RGS6: variants seen among roughly 807,000 people sequenced by gnomAD.
The protein encoded by RGS6 is regulator of G-protein signaling 6.
In RGS6, 30 loss-of-function variants were observed where a neutral mutation model predicts 78.5. That is an observed-to-expected ratio of 0.38 (90% CI 0.29 to 0.52). RGS6 has a LOEUF of 0.52. Ranked by LOEUF, RGS6 falls within the 20% of genes least tolerant of loss-of-function variation. The probability of loss-of-function intolerance (pLI) is 0.85; values close to 1 mark genes in which losing one functional copy is unlikely to be tolerated. For synonymous variants in RGS6, 206 were observed against 206.0 expected (o/e 1.00, Z 0.00); for missense variants, 495 against 609.7 (o/e 0.81, Z 1.98).
rs189085134 is a variant in RGS6, at chr14:72,074,056, A to G, written c.84+109181A>G. Among the ~76,000 whole-genome samples the G allele has an allele frequency of 2.3e-3, 344 of 152,294 alleles. 3 individuals carry two copies. The highest frequency in any genetic ancestry group is 7.9e-3 in the African/African-American group (330 of 41,566). On this transcript the variant is annotated intron_variant, in intron 2 of 17. Transcript: ENST00000553525. ...AACTTAGCAGATATCTGTTGGAATC[A>G]TTTAAGGTGTTTGTTTCCAAAAGAC...
At chr14:72,459,540 G>A (rs959311922) in intron 5 of RGS6, 92 bp from the exon 6 acceptor site, 22 of 1,168,366 alleles carry the variant, frequency 1.9e-5, no homozygotes, top group Non-Finnish European at 2.8e-5. Flanking sequence ...AGATGGGGGA[G>A]AGCCTGCCAT....
intron 15 of RGS6, among the ~76,000 whole-genome samples, chr14:72,533,002 A>C (rs543300411): frequency 2.7e-4 from 41 of 152,386 alleles, no homozygotes; most frequent in African/African-American, 9.4e-4. Flanking sequence ...ACAGATTTGC[A>C]GTGTAGATTA....
chr14:72,549,952 C>A (rs2097478229), intron 17 of RGS6, among the ~76,000 whole-genome samples: 1 of 152,188 alleles, frequency 6.6e-6, no homozygotes, highest in Non-Finnish European at 1.5e-5. Context: ...GCCAGGGGGA[C>A]TTGTCCTCAG....
At chr14:72,446,008 C>T (rs1566867498) in intron 3 of RGS6, among the ~76,000 whole-genome samples, 1 of 152,142 alleles carries the variant, frequency 6.6e-6, no homozygotes, top group Non-Finnish European at 1.5e-5. Flanking sequence ...CCTGTAATCC[C>T]AGCACTTTGG....
chr14:71,985,774 T>C (rs2094684315), intron 2 of RGS6, among the ~76,000 whole-genome samples: 1 of 152,208 alleles, frequency 6.6e-6, no homozygotes, highest in Admixed American at 6.5e-5. Context: ...TGTTGATGCC[T>C]GGGGATATTC....
intron 2 of RGS6, among the ~76,000 whole-genome samples, chr14:72,210,409 A>G (rs925006030): frequency 6.6e-6 from 1 of 152,198 alleles, no homozygotes; most frequent in Non-Finnish European, 1.5e-5. Context: ...TCCAAAATTT[A>G]ACACCTGTGT....
intron 15 of RGS6, among the ~76,000 whole-genome samples, chr14:72,531,438 A>G (rs973989338): frequency 4.0e-5 from 6 of 151,794 alleles, no homozygotes; most frequent in Admixed American, 2.6e-4. Context: ...TCTCAAAAAA[A>G]AAAAAAAAAA....
intron 2 of RGS6, among the ~76,000 whole-genome samples, chr14:72,287,909 A>G (rs1213707108): frequency 6.6e-6 from 1 of 152,230 alleles, no homozygotes; most frequent in Non-Finnish European, 1.5e-5. Flanking sequence ...TGATTTGCAT[A>G]TGTCAAACTA....
chr14:72,024,073 A>G (rs1172566583), intron 2 of RGS6, among the ~76,000 whole-genome samples: 2 of 82,924 alleles, frequency 2.4e-5, no homozygotes, highest in African/African-American at 8.3e-5. Context: ...TGTCTAGCAC[A>G]TAACGAGGAC....
the RGS6 span, among the ~76,000 whole-genome samples, chr14:71,885,820 T>A: frequency 1.3e-5 from 2 of 152,314 alleles, no homozygotes; most frequent in East Asian, 3.9e-4. Context: ...TTCACCCATA[T>A]AGTGTCTCTC....
intron 14 of RGS6, among the ~76,000 whole-genome samples, chr14:72,513,090 C>G (rs570690482): frequency 1.3e-5 from 2 of 152,374 alleles, no homozygotes; most frequent in African/African-American, 4.8e-5. Context: ...AGGAAAAAGC[C>G]TGACCAGAAC....
At chr14:72,410,237 CTT>C (rs1163793558) in intron 3 of RGS6, among the ~76,000 whole-genome samples, 1 of 152,170 alleles carries the variant, frequency 6.6e-6, no homozygotes, top group Non-Finnish European at 1.5e-5. Flanking sequence ...TGTTTCCTGA[CTT>C]TTTAATGATT....
intron 2 of RGS6, among the ~76,000 whole-genome samples, chr14:71,994,545 C>T (rs1054699828): frequency 2.6e-5 from 4 of 152,034 alleles, no homozygotes; most frequent in African/African-American, 9.7e-5. Context: ...CCACCCAGTC[C>T]ATATGTTGAC....
chr14:72,539,157 A>T (rs2153505845), intron 16 of RGS6, among the ~76,000 whole-genome samples: 1 of 152,100 alleles, frequency 6.6e-6, no homozygotes, highest in East Asian at 1.9e-4. Context: ...AGCACCCCAC[A>T]CCTCTCTTCC....
At chr14:72,223,546 GGT>G (rs937788144) in intron 2 of RGS6, among the ~76,000 whole-genome samples, 4 of 152,182 alleles carry the variant, frequency 2.6e-5, no homozygotes, top group Admixed American at 2.6e-4. Context: ...GGATGGAGGG[GGT>G]GTGACCCATT....
intron 16 of RGS6, among the ~76,000 whole-genome samples, chr14:72,539,583 C>T (rs1196873563): frequency 6.6e-6 from 1 of 152,238 alleles, no homozygotes; most frequent in Non-Finnish European, 1.5e-5. Flanking sequence ...GTCCCTCCCA[C>T]ACCCTGCTGG....
chr14:71,965,836 C>T (rs1399080635), intron 2 of RGS6, among the ~76,000 whole-genome samples: 2 of 152,066 alleles, frequency 1.3e-5, no homozygotes, highest in East Asian at 3.9e-4. Context: ...AAATCACCTT[C>T]AGAATTAAGA....
chr14:72,392,206 G>A lies in RGS6; in HGVS notation c.184+40012G>A, dbSNP rs1367687485. Among the ~76,000 whole-genome samples the A allele has an allele frequency of 2.0e-5, 3 of 148,028 alleles. No individual in the cohort carries two copies. In the East Asian group the frequency reaches 7.2e-4, roughly 35 times the overall value. On this transcript the variant is annotated intron_variant, in intron 3 of 17. Coordinates refer to ENST00000553525, the MANE Select transcript of RGS6 (RefSeq NM_001204424.2). ...TACACAAATATATATATATATATTT[G>A]TCACAAGGATTTGACCTTATGCAAT...
At chr14:72,161,033 C>A (rs2153660431) in intron 2 of RGS6, among the ~76,000 whole-genome samples, 1 of 152,312 alleles carries the variant, frequency 6.6e-6, no homozygotes, top group Non-Finnish European at 1.5e-5. Context: ...AAATGTGGCA[C>A]ATATACACCA....
Sources: gnomAD v4.1 joint callset for allele counts (sites outside exome capture counted in the v4.1 genomes callset) on GRCh38, gnomAD v4.1.1 for gene constraint, MANE v1.5 for transcripts, NCBI Gene and HGNC (gene_info 2026-07-23, HGNC 2026-07-21) for gene names.